The following GMFB variants were observed in gnomAD, a reference collection of about 807,000 sequenced individuals.
GMFB encodes the protein GMF-beta.
A neutral mutation model predicts 25.6 loss-of-function variants in GMFB; 13 were observed. The ratio of observed to expected loss-of-function variants is 0.51; its 90% confidence interval spans 0.33 to 0.81. GMFB has a LOEUF of 0.81. Among genes scored for constraint, GMFB ranks in the 30% least tolerant of loss-of-function variants. The probability of loss-of-function intolerance (pLI) is 0.02; values close to 1 mark genes in which losing one functional copy is unlikely to be tolerated. For synonymous variants in GMFB, 57 were observed against 56.9 expected (o/e 1.00, Z 0.00); for missense variants, 146 against 175.4 (o/e 0.83, Z 0.95).
At position 54,478,114 on chromosome 14, in the gene GMFB, G is replaced by T; in HGVS notation, c.403C>A (p.Arg135Ser). 1.4e-6 allele frequency: 2 copies of T among 1,447,706 alleles called. No homozygotes were observed. The highest frequency in any genetic ancestry group is 9.3e-7 in the Non-Finnish European group (1 of 1,071,922). The allele number at this position is 1,447,706 out of a possible 1,614,324, so 89.7% of individuals were successfully genotyped here. A position where few individuals can be genotyped will look rare whatever the true frequency, so the allele number is the denominator to read the frequency against. Reference sequence around the variant, plus strand: ...TAGTGAAAAAATCCAAGTTTCTCACGTAACCATTCTTCAGTTAGGTCTTCG... The same window carrying T: ...TAGTGAAAAAATCCAAGTTTCTCACTTAACCATTCTTCAGTTAGGTCTTCG... ...NTEDLTEEWL[R>S]EKLGFFH Residue 135 changes from arginine to serine, a missense_variant, in exon 7 of 7, where the codon CGT becomes AGT. By Grantham distance (110) the Arg-to-Ser change is moderately radical. Transcript: ENST00000358056.
chr14:54,483,828 T>G, intron 1 of GMFB, 61 bp from the exon 2 acceptor site: 1 of 899,154 alleles, frequency 1.1e-6, no homozygotes, highest in Non-Finnish European at 1.9e-6. Context: ...CATGTTAAAG[T>G]TATGAAACCT....
At chr14:54,487,574 G>A (rs1395548533) in intron 1 of GMFB, among the ~76,000 whole-genome samples, 1 of 152,110 alleles carries the variant, frequency 6.6e-6, no homozygotes, top group Non-Finnish European at 1.5e-5. Context: ...TTAGCCGGGC[G>A]TGGTGGCACA....
intron 1 of GMFB, among the ~76,000 whole-genome samples, chr14:54,487,201 T>C (rs1318257800): frequency 6.6e-6 from 1 of 152,118 alleles, no homozygotes; most frequent in African/African-American, 2.4e-5. Flanking sequence ...ATCGAGACCA[T>C]CCTGGCTAAC....
intron 2 of GMFB, 30 bp from the exon 3 acceptor site, chr14:54,482,232 G>A: frequency 2.0e-6 from 3 of 1,507,368 alleles, no homozygotes; most frequent in South Asian, 1.1e-5. Flanking sequence ...TGAGTAAGCT[G>A]GGATTCTAAT....
At chr14:54,488,896 CG>C in intron 1 of GMFB, 28 bp downstream of exon 1, 1 of 1,553,486 alleles carries the variant, frequency 6.4e-7, no homozygotes, top group Non-Finnish European at 8.7e-7. Flanking sequence ...CCCAGCCCTC[CG>C]GCCCCCGCCC....
chr14:54,478,624 G>C (rs2031671400), intron 6 of GMFB: 3 of 152,246 alleles, frequency 2.0e-5, no homozygotes, highest in Admixed American at 6.5e-5. Context: ...TCTCCAGCAA[G>C]AATCTGAATC....
At chr14:54,478,202 A>G in intron 6 of GMFB, 43 bp from the exon 7 acceptor site, 1 of 674,272 alleles carries the variant, frequency 1.5e-6, no homozygotes, top group Non-Finnish European at 2.4e-6. Flanking sequence ...TGACACTCCA[A>G]AAAAAAAGTC....
At chr14:54,482,252 A>G (rs2031721494) in intron 2 of GMFB, 50 bp from the exon 3 acceptor site, 1 of 1,189,090 alleles carries the variant, frequency 8.4e-7, no homozygotes, top group African/African-American at 1.5e-5. Flanking sequence ...TGTGACCCTG[A>G]TCTGCCCAAC....
At chr14:54,487,115 G>T (rs955942531) in intron 1 of GMFB, among the ~76,000 whole-genome samples, 10 of 152,196 alleles carry the variant, frequency 6.6e-5, no homozygotes, top group African/African-American at 2.4e-4. Flanking sequence ...TAGATCTGGG[G>T]TCAGGCGCGG....
chr14:54,478,991 A>G (rs1307902664), intron 6 of GMFB: 1 of 152,172 alleles, frequency 6.6e-6, no homozygotes, highest in Non-Finnish European at 1.5e-5. Flanking sequence ...TCCCTGTGTT[A>G]CAAATCAGGA....
At chr14:54,483,640 T>G in intron 2 of GMFB, 31 bp downstream of exon 2, 1 of 1,091,918 alleles carries the variant, frequency 9.2e-7, no homozygotes. Context: ...ATTAAGACCA[T>G]GTAACTTTGA....
chr14:54,488,904 G>T (rs1282561650), intron 1 of GMFB, 21 bp downstream of exon 1: 3 of 1,555,162 alleles, frequency 1.9e-6, no homozygotes, highest in South Asian at 1.2e-5. Context: ...TCCGGCCCCC[G>T]CCCTCCCAGC....
Position 54,477,790 on chromosome 14 carries a change from G to A in GMFB, c.*298C>T. On this transcript the variant is annotated 3_prime_UTR_variant, in exon 7 of 7. Coordinates refer to ENST00000358056, the MANE Select transcript of GMFB (RefSeq NM_004124.3). ...ATATATCCACTTTCCAATGGTGTCT[G>A]TAAATAGTAACAAATTCCGAACCAT... The A allele has an allele frequency of 4.2e-6, 1 of 239,452 alleles. No individual in the cohort carries two copies. The highest frequency in any genetic ancestry group is 8.0e-6 in the Non-Finnish European group (1 of 125,034). The allele number at this position is 239,452 out of a possible 1,614,324, so 14.8% of individuals were successfully genotyped here.
intron 1 of GMFB, 65 bp from the exon 2 acceptor site, chr14:54,483,832 G>T: frequency 1.1e-6 from 1 of 872,198 alleles, no homozygotes; most frequent in Non-Finnish European, 1.9e-6. Flanking sequence ...TTAAAGTTAT[G>T]AAACCTAATA....
intron 5 of GMFB, chr14:54,480,588 A>C (rs1470576345): frequency 1.1e-5 from 3 of 262,538 alleles, no homozygotes; most frequent in Non-Finnish European, 2.1e-5. Flanking sequence ...TACTTCTGCT[A>C]TATTAGAATG....
chr14:54,482,219 G>C lies in GMFB; in HGVS notation c.101-17C>G. On this transcript the variant is annotated splice_polypyrimidine_tract_variant and intron_variant, in intron 2 of 6. Coordinates refer to ENST00000358056, the MANE Select transcript of GMFB (RefSeq NM_004124.3). ...CAATCTTCACTAAAATAAAAATCAAGTATGAGTAAGCTGGGATTCTAATGT... is the reference window on the plus strand; with the variant it reads ...CAATCTTCACTAAAATAAAAATCAACTATGAGTAAGCTGGGATTCTAATGT... 1 of 1,567,080 alleles carries C rather than the reference G, an allele frequency of 6.4e-7. No individual in the cohort carries two copies. Among genetic ancestry groups the C allele is most frequent in the Non-Finnish European group, 8.8e-7 (1 of 1,137,674 alleles).
intron 4 of GMFB, 180 bp downstream of exon 4, chr14:54,481,229 A>G (rs2031706593): frequency 3.4e-6 from 2 of 585,738 alleles, no homozygotes; most frequent in Non-Finnish European, 6.1e-6. Context: ...TAAAAAGAAA[A>G]TTATTCATCC....
Position 54,477,159 on chromosome 14 carries a change from T to C in GMFB, c.*929A>G, listed in dbSNP as rs560996801. On this transcript the variant is annotated 3_prime_UTR_variant, in exon 7 of 7. Transcript: ENST00000358056. ...TGGAATTTTTAAAATATGAAGTTGA[T>C]TTTATTACAAATTTCAGATATACAC... The C allele has an allele frequency of 2.0e-5, 3 of 152,578 alleles. No individual in the cohort carries two copies. The highest frequency in any genetic ancestry group is 7.2e-5 in the African/African-American group (3 of 41,566). The allele number at this position is 152,578 out of a possible 1,614,324, so 9.5% of individuals were successfully genotyped here.
chr14:54,479,911 T>A (rs762452906), intron 5 of GMFB, 52 bp from the exon 6 acceptor site: 1 of 991,606 alleles, frequency 1.0e-6, no homozygotes, highest in East Asian at 2.4e-5. Context: ...GAGAAAGGTA[T>A]GGGTTATCAT....
Sources: gnomAD v4.1 joint callset for allele counts (sites outside exome capture counted in the v4.1 genomes callset) on GRCh38, gnomAD v4.1.1 for gene constraint, MANE v1.5 for transcripts, NCBI Gene and HGNC (gene_info 2026-07-23, HGNC 2026-07-21) for gene names.